SLC39A11: variants seen among roughly 807,000 people sequenced by gnomAD.
The protein encoded by SLC39A11 is zinc transporter ZIP11.
In SLC39A11, 33 loss-of-function variants were observed where a neutral mutation model predicts 36.1. The ratio of observed to expected loss-of-function variants is 0.91; its 90% confidence interval spans 0.69 to 1.22. SLC39A11 has a LOEUF of 1.22. SLC39A11 is among the 50% of genes most tolerant of loss of function. The pLI, the probability that SLC39A11 is intolerant of heterozygous loss-of-function variation, is 0.00. For missense variants in SLC39A11, 432 were observed against 430.3 expected, an observed-to-expected ratio of 1.00 and a Z score of -0.03; for synonymous variants, 166 against 170.3, an observed-to-expected ratio of 0.97 and a Z score of 0.20.
chr17:72,963,409 A>G (rs1474364407), intron 4 of SLC39A11, among the ~76,000 whole-genome samples: 1 of 151,366 alleles, frequency 6.6e-6, no homozygotes, highest in East Asian at 2.0e-4. Context: ...TGACCTCGTG[A>G]TCCGCCCACC....
intron 5 of SLC39A11, among the ~76,000 whole-genome samples, chr17:72,895,104 CTAGTCGCATTGGTGGGT>C (rs2081964532): frequency 6.6e-6 from 1 of 152,094 alleles, no homozygotes; most frequent in African/African-American, 2.4e-5. Flanking sequence ...TTGGTGGGTG[CTAGTCGCATTGGTGGGT>C]GCTAGTCGCA....
chr17:72,692,757 A>C (rs1277881294), intron 7 of SLC39A11, among the ~76,000 whole-genome samples: 2 of 152,184 alleles, frequency 1.3e-5, no homozygotes, highest in African/African-American at 4.8e-5. Context: ...AAAGTTGTTC[A>C]TGTGTTCACA....
At chr17:72,756,288 C>T (rs758748248) in intron 6 of SLC39A11, among the ~76,000 whole-genome samples, 4 of 152,228 alleles carry the variant, frequency 2.6e-5, no homozygotes, top group African/African-American at 4.8e-5. Context: ...TGGATACATC[C>T]GTCAAAGCAC....
rs1363494065 is a variant in SLC39A11, at chr17:72,716,979, A to AT, written c.671+19670_671+19671insA. 1.4e-3 allele frequency among the ~76,000 whole-genome samples: 166 copies of AT among 121,208 alleles called. 1 individual carries two copies. Among genetic ancestry groups the AT allele is most frequent in the Non-Finnish European group, 2.2e-3 (133 of 59,974 alleles). The allele number at this position is 121,208 out of a possible 152,430, so 79.5% of individuals were successfully genotyped here. A position where few individuals can be genotyped will look rare whatever the true frequency, so the allele number is the denominator to read the frequency against. On this transcript the variant is annotated intron_variant, in intron 7 of 9. Transcript: ENST00000255559. ...GGGAGACCCTGTCTCAAAAAAAAAA[A>AT]AATATATATATATACACACACACAC...
intron 4 of SLC39A11, among the ~76,000 whole-genome samples, chr17:73,006,781 T>C (rs748720513): frequency 3.3e-5 from 5 of 152,108 alleles, no homozygotes; most frequent in Non-Finnish European, 5.9e-5. Context: ...CAGTACGTGA[T>C]TGAGTCTCCT....
chr17:73,002,986 T>C (rs2089905136), intron 4 of SLC39A11, among the ~76,000 whole-genome samples: 1 of 152,178 alleles, frequency 6.6e-6, no homozygotes, highest in South Asian at 2.1e-4. Flanking sequence ...CAATCCAGCA[T>C]TACCTCCCCA....
At chr17:73,056,226 T>G (rs997459216) in intron 3 of SLC39A11, among the ~76,000 whole-genome samples, 4 of 151,526 alleles carry the variant, frequency 2.6e-5, no homozygotes, top group African/African-American at 9.7e-5. Flanking sequence ...TGGAGTACAG[T>G]GGAATAATCT....
chr17:72,654,530 T>A (rs1165068873), intron 7 of SLC39A11, among the ~76,000 whole-genome samples: 2 of 152,192 alleles, frequency 1.3e-5, no homozygotes, highest in Non-Finnish European at 2.9e-5. Context: ...TTGCCAATAT[T>A]TCATAAGCCC....
At chr17:73,024,917 T>C (rs922284464) in intron 4 of SLC39A11, among the ~76,000 whole-genome samples, 7 of 132,862 alleles carry the variant, frequency 5.3e-5, no homozygotes, top group African/African-American at 1.1e-4. Context: ...GGTTTCACCA[T>C]GTTGGCCAGG....
At chr17:72,881,824 T>C (rs978336260) in intron 5 of SLC39A11, among the ~76,000 whole-genome samples, 1 of 152,242 alleles carries the variant, frequency 6.6e-6, no homozygotes, top group African/African-American at 2.4e-5. Context: ...GAAATGTGTA[T>C]GTTTGCCTCA....
At chr17:72,880,977 G>A (rs546774323) in intron 5 of SLC39A11, among the ~76,000 whole-genome samples, 16 of 148,556 alleles carry the variant, frequency 1.1e-4, no homozygotes, top group South Asian at 2.2e-4. Context: ...CTCTGCACCC[G>A]GCCTAAGATA....
intron 5 of SLC39A11, among the ~76,000 whole-genome samples, chr17:72,861,436 CG>C (rs1348420880): frequency 1.3e-5 from 2 of 151,598 alleles, no homozygotes; most frequent in African/African-American, 4.9e-5. Context: ...CCTCTCATGT[CG>C]TTTACTTAGG....
intron 5 of SLC39A11, among the ~76,000 whole-genome samples, chr17:72,860,989 A>G (rs545853125): frequency 6.6e-6 from 1 of 152,338 alleles, no homozygotes; most frequent in East Asian, 1.9e-4. Flanking sequence ...CATCTAGCAC[A>G]TAACACGTAC....
chr17:73,047,013 TTTTTA>T (rs1002665162), intron 3 of SLC39A11, among the ~76,000 whole-genome samples: 9 of 147,184 alleles, frequency 6.1e-5, no homozygotes, highest in South Asian at 4.3e-4. Context: ...CCTTCTTCTT[TTTTTA>T]TTTTATTTAT....
At chr17:72,899,994 GAGAGAGAGAA>G (rs2146898357) in intron 5 of SLC39A11, among the ~76,000 whole-genome samples, 1 of 25,444 alleles carries the variant, frequency 3.9e-5, no homozygotes, top group South Asian at 1.0e-3. Context: ...AAGAAAGAGA[GAGAGAGAGAA>G]AGAGAGAGAG....
intron 7 of SLC39A11, among the ~76,000 whole-genome samples, chr17:72,692,526 G>A (rs748238874): frequency 2.6e-5 from 4 of 152,252 alleles, no homozygotes; most frequent in Non-Finnish European, 4.4e-5. Context: ...TGAGGAAGAG[G>A]TAAAAGTGGA....
At chr17:72,698,419 C>T (rs1297116828) in intron 7 of SLC39A11, among the ~76,000 whole-genome samples, 1 of 147,924 alleles carries the variant, frequency 6.8e-6, no homozygotes, top group East Asian at 2.0e-4. Context: ...ATGGTATTCT[C>T]CTATTTTTAT....
chr17:72,704,728 T>C (rs1050754030), intron 7 of SLC39A11, among the ~76,000 whole-genome samples: 1 of 152,104 alleles, frequency 6.6e-6, no homozygotes, highest in Non-Finnish European at 1.5e-5. Flanking sequence ...GGGGTCCTCT[T>C]CCCCTCTCAG....
chr17:72,849,201 CA>C (rs1289590802), intron 6 of SLC39A11, among the ~76,000 whole-genome samples: 1 of 152,112 alleles, frequency 6.6e-6, no homozygotes, highest in Non-Finnish European at 1.5e-5. Flanking sequence ...CTTGCTCTCT[CA>C]GGGGGCAGAG....
Sources: gnomAD v4.1 joint callset for allele counts (sites outside exome capture counted in the v4.1 genomes callset) on GRCh38, gnomAD v4.1.1 for gene constraint, MANE v1.5 for transcripts, NCBI Gene and HGNC (gene_info 2026-07-23, HGNC 2026-07-21) for gene names.